Variants in CDH13 observed in about 807,000 individuals in gnomAD.
The protein encoded by CDH13 is cadherin-13.
In CDH13, 24 loss-of-function variants were observed where a neutral mutation model predicts 63.8. That is an observed-to-expected ratio of 0.38 (90% CI 0.27 to 0.53). The LOEUF is 0.53. CDH13 is among the 20% of genes least tolerant of loss of function. The pLI is 0.85. For missense variants in CDH13, 1,049 were observed against 903.1 expected, an observed-to-expected ratio of 1.16 and a Z score of -2.07; for synonymous variants, 503 against 355.3, an observed-to-expected ratio of 1.42 and a Z score of -4.67.
intron 2 of CDH13, among the ~76,000 whole-genome samples, chr16:82,904,014 A>C (rs546761828): frequency 1.3e-5 from 2 of 152,314 alleles, no homozygotes; most frequent in Non-Finnish European, 2.9e-5. Flanking sequence ...ATTCTCTTCC[A>C]AACTGCTTTT....
chr16:83,010,332 C>T (rs964494965), intron 2 of CDH13, among the ~76,000 whole-genome samples: 3 of 151,928 alleles, frequency 2.0e-5, no homozygotes, highest in Admixed American at 6.6e-5. Flanking sequence ...TTTCAATGAT[C>T]AGTTAATACC....
At chr16:83,730,765 CCAGA>C (rs1910951598) in intron 10 of CDH13, among the ~76,000 whole-genome samples, 1 of 152,030 alleles carries the variant, frequency 6.6e-6, no homozygotes, top group South Asian at 2.1e-4. Flanking sequence ...ATCCCATCAC[CCAGA>C]CAGTGTGCAT....
chr16:83,565,762 G>C (rs562568932), intron 7 of CDH13, among the ~76,000 whole-genome samples: 3 of 150,732 alleles, frequency 2.0e-5, no homozygotes, highest in African/African-American at 7.3e-5. Flanking sequence ...TTTCTGATAA[G>C]TTATTCTTTT....
rs71148833 is a variant in CDH13, at chr16:83,426,907, C to CTTTTTTTTTTT, written c.782-59548_782-59538dup. On this transcript the variant is annotated intron_variant, in intron 6 of 13. Transcript: ENST00000567109. ...TCAGAATCTATAAATATGTTTCTTT[C>CTTTTTTTTTTT]TTTTTTTTTTTTTTTTTTTTTTTTT... Among the ~76,000 whole-genome samples, 49 of 63,184 alleles carry CTTTTTTTTTTT rather than the reference C, an allele frequency of 7.8e-4. 10 individuals carry two copies. The highest frequency in any genetic ancestry group is 9.8e-4 in the Non-Finnish European group (35 of 35,792). The allele number at this position is 63,184 out of a possible 152,430, so 41.5% of individuals were successfully genotyped here. A position where few individuals can be genotyped will look rare whatever the true frequency, so the allele number is the denominator to read the frequency against.
chr16:83,091,971 G>T (rs942212344), intron 3 of CDH13, among the ~76,000 whole-genome samples: 2 of 152,170 alleles, frequency 1.3e-5, no homozygotes, highest in African/African-American at 4.8e-5. Flanking sequence ...TAAGTTCAGA[G>T]AATCTAGAAA....
chr16:83,461,832 T>C (rs2151525563), intron 6 of CDH13, among the ~76,000 whole-genome samples: 1 of 152,308 alleles, frequency 6.6e-6, no homozygotes, highest in African/African-American at 2.4e-5. Context: ...CTTCGAGGTT[T>C]CCAGAAGATC....
At chr16:83,209,686 T>A (rs938878347) in intron 4 of CDH13, among the ~76,000 whole-genome samples, 1 of 152,020 alleles carries the variant, frequency 6.6e-6, no homozygotes, top group African/African-American at 2.4e-5. Context: ...TGAAAGAGAA[T>A]AAGAAAGCAA....
intron 1 of CDH13, among the ~76,000 whole-genome samples, chr16:82,730,111 A>G (rs2033319905): frequency 6.6e-6 from 1 of 152,206 alleles, no homozygotes; most frequent in Non-Finnish European, 1.5e-5. Flanking sequence ...CCCATCAGCA[A>G]TAGGACTGTC....
Position 83,125,525 on chromosome 16 carries a change from A to G in CDH13, c.483+24A>G, listed in dbSNP as rs987450281. ...AGGTAAGTCAGACAAACAGCAAATG[A>G]CAAAAACATGTTTTTATGAAAAGAT... On this transcript the variant is annotated intron_variant, in intron 4 of 13. Transcript: ENST00000567109. The G allele has an allele frequency of 2.4e-6, 3 of 1,257,526 alleles. No individual in the cohort carries two copies. The African/African-American group carries it at 4.4e-5, about 19-fold the overall frequency. The allele number at this position is 1,257,526 out of a possible 1,614,324, so 77.9% of individuals were successfully genotyped here.
intron 5 of CDH13, among the ~76,000 whole-genome samples, chr16:83,296,630 C>T (rs937617550): frequency 6.6e-6 from 1 of 151,544 alleles, no homozygotes; most frequent in African/African-American, 2.4e-5. Context: ...AACACAAGTA[C>T]ACACACACAC....
At chr16:83,161,687 A>T (rs185074327) in intron 4 of CDH13, among the ~76,000 whole-genome samples, 1 of 152,194 alleles carries the variant, frequency 6.6e-6, no homozygotes, top group African/African-American at 2.4e-5. Flanking sequence ...TTAAAGAATC[A>T]CCCACCATGG....
At chr16:83,724,208 G>A (rs760402756) in intron 10 of CDH13, among the ~76,000 whole-genome samples, 3 of 122,570 alleles carry the variant, frequency 2.4e-5, no homozygotes, top group Non-Finnish European at 5.9e-5. Flanking sequence ...ATGAATGCAT[G>A]GGTGGGTGAT....
At chr16:83,339,039 G>C (rs1277876835) in intron 5 of CDH13, among the ~76,000 whole-genome samples, 1 of 152,174 alleles carries the variant, frequency 6.6e-6, no homozygotes, top group African/African-American at 2.4e-5. Context: ...TGGCTGTGCA[G>C]GAAGACCCAC....
At chr16:82,764,714 G>C (rs1170267183) in intron 1 of CDH13, among the ~76,000 whole-genome samples, 2 of 152,154 alleles carry the variant, frequency 1.3e-5, no homozygotes, top group Admixed American at 6.5e-5. Flanking sequence ...CACAAATTCA[G>C]GAGGTAATTT....
chr16:82,847,720 T>C (rs2039321010), intron 1 of CDH13, among the ~76,000 whole-genome samples: 1 of 152,170 alleles, frequency 6.6e-6, no homozygotes, highest in African/African-American at 2.4e-5. Context: ...GTTTGCGTTA[T>C]CTCATTAAAG....
At chr16:83,788,293 T>C (rs572962904) in intron 13 of CDH13, among the ~76,000 whole-genome samples, 1 of 152,292 alleles carries the variant, frequency 6.6e-6, no homozygotes, top group Admixed American at 6.5e-5. Context: ...GCTGTGCACC[T>C]GCTTGTTAAA....
chr16:83,106,383 C>G (rs1352950480), intron 3 of CDH13, among the ~76,000 whole-genome samples: 1 of 151,686 alleles, frequency 6.6e-6, no homozygotes, highest in African/African-American at 2.4e-5. Context: ...ACTAAAGATA[C>G]AAAAAAAATT....
At chr16:83,514,795 A>G (rs1439465937) in intron 7 of CDH13, among the ~76,000 whole-genome samples, 1 of 152,242 alleles carries the variant, frequency 6.6e-6, no homozygotes, top group Non-Finnish European at 1.5e-5. Flanking sequence ...AAGCTAGGAT[A>G]GAGGCCGGGA....
chr16:83,104,419 G>A (rs2034661264), intron 3 of CDH13, among the ~76,000 whole-genome samples: 1 of 152,196 alleles, frequency 6.6e-6, no homozygotes, highest in Non-Finnish European at 1.5e-5. Flanking sequence ...AAAACACAGA[G>A]CAGAGAGAAG....
Sources: gnomAD v4.1 joint callset for allele counts (sites outside exome capture counted in the v4.1 genomes callset) on GRCh38, gnomAD v4.1.1 for gene constraint, MANE v1.5 for transcripts, NCBI Gene and HGNC (gene_info 2026-07-23, HGNC 2026-07-21) for gene names.